Variants in TMEM45B observed in about 807,000 individuals in gnomAD.
TMEM45B encodes the protein transmembrane protein 45B.
Under a neutral mutation model 27.3 loss-of-function variants are expected in TMEM45B, and 29 were observed. The observed-to-expected ratio is 1.06, with a 90% CI of 0.79 to 1.45. The LOEUF (loss-of-function observed/expected upper bound fraction) is 1.45, where lower values mean the gene tolerates loss of function less well. Ranked by LOEUF, TMEM45B falls within the 40% of genes most tolerant of loss-of-function variation. The pLI is 0.00. For synonymous variants in TMEM45B, 143 were observed against 134.7 expected, an observed-to-expected ratio of 1.06 and a Z score of -0.43; for missense variants, 348 against 343.9, an observed-to-expected ratio of 1.01 and a Z score of -0.09.
intron 2 of TMEM45B, 87 bp from the exon 3 acceptor site, chr11:129,854,522 CT>C: frequency 7.2e-7 from 1 of 1,391,872 alleles, no homozygotes; most frequent in Middle Eastern, 2.4e-4. Context: ...CCCATCTCCG[CT>C]TCGCTCATGC....
intron 1 of TMEM45B, among the ~76,000 whole-genome samples, chr11:129,833,266 A>T (rs1488280297): frequency 6.6e-6 from 1 of 151,884 alleles, no homozygotes; most frequent in East Asian, 1.9e-4. Context: ...AATAAAAAAA[A>T]AAAAAGGAAA....
At chr11:129,828,482 T>C (rs1282228015) in intron 1 of TMEM45B, among the ~76,000 whole-genome samples, 1 of 152,168 alleles carries the variant, frequency 6.6e-6, no homozygotes, top group East Asian at 1.9e-4. Context: ...GTGACTTAGT[T>C]GAAGTTCAGG....
At position 129,858,686 on chromosome 11, in the gene TMEM45B, G is replaced by A. The variant is rs1447769442; in HGVS notation, c.*1G>A. ...CTTGAGTGGCTCAGATGAGGAATGA[G>A]CCGAGATGCGGAGGGCGCAGATGTC... On this transcript the variant is annotated 3_prime_UTR_variant, in exon 6 of 6. Transcript: ENST00000281441. 5.8e-6 allele frequency: 9 copies of A among 1,554,294 alleles called. No homozygotes were observed. The highest frequency in any genetic ancestry group is 7.8e-6 in the Non-Finnish European group (9 of 1,147,274).
At chr11:129,848,521 G>A (rs10894156) in intron 1 of TMEM45B, among the ~76,000 whole-genome samples, 48,088 of 151,648 alleles carry the variant, frequency 0.32, 8,616 homozygotes, top group East Asian at 0.52. Context: ...GGGAGAGGGA[G>A]AGGGAGAGGG....
Position 129,857,393 on chromosome 11 carries a change from G to A in TMEM45B, c.651G>A (p.Met217Ile), listed in dbSNP as rs958619821. The change falls in exon 5 of 6, where the codon ATG becomes ATA. Residue 217 changes from methionine to isoleucine, a missense_variant. Physicochemically the swap from Met to Ile is conservative, Grantham distance 10. Transcript: ENST00000281441. ...KDDANLMFIT[M>I]CFCWHYLAAL... is the part of the protein sequence containing the mutation. ...ATGCCAACCTCATGTTCATCACCATGTGCTTCTGCTGGCACTACCTGGCTG... is the reference window on the plus strand; with the variant it reads ...ATGCCAACCTCATGTTCATCACCATATGCTTCTGCTGGCACTACCTGGCTG... 6.2e-7 allele frequency: 1 copy of A among 1,614,074 alleles called. No homozygotes were observed. The highest frequency in any genetic ancestry group is 1.3e-5 in the African/African-American group (1 of 74,918).
chr11:129,828,481 T>C lies in TMEM45B; in HGVS notation c.-9+12583T>C, dbSNP rs575346764. On this transcript the variant is annotated intron_variant, in intron 1 of 5. Transcript: ENST00000281441. ...ACTGTAGAGCAGGGACGTGACTTAGTTGAAGTTCAGGACTGCGGCCACAGT... is the reference window on the plus strand; with the variant it reads ...ACTGTAGAGCAGGGACGTGACTTAGCTGAAGTTCAGGACTGCGGCCACAGT... Among the ~76,000 whole-genome samples, 17 of 152,272 alleles carry C rather than the reference T, an allele frequency of 1.1e-4. No homozygotes were observed. In the South Asian group the frequency reaches 3.3e-3, roughly 30 times the overall value.
chr11:129,851,543 C>CAAAAAAAAAAAAAAAAAAAAAAAAAAAAA (rs71057982), intron 1 of TMEM45B, among the ~76,000 whole-genome samples: 11 of 54,934 alleles, frequency 2.0e-4, no homozygotes, highest in Admixed American at 4.0e-4. Context: ...AACTCTGCCT[C>CAAAAAAAAAAAAAAAAAAAAAAAAAAAAA]AAAAAAAAAA....
chr11:129,830,263 G>T (rs1003956118), intron 1 of TMEM45B, among the ~76,000 whole-genome samples: 1 of 152,186 alleles, frequency 6.6e-6, no homozygotes, highest in Non-Finnish European at 1.5e-5. Context: ...GGAGGTGAAG[G>T]TTGCAGTGAG....
chr11:129,857,446 C>T lies in TMEM45B; in HGVS notation c.704C>T (p.Ser235Phe). The change falls in exon 5 of 6, where the codon TCT becomes TTT. Residue 235 changes from serine to phenylalanine, a missense_variant. Transcript: ENST00000281441. ...AALSIVAVNY[S>F]LVYCLLTRMK... ...CTCAGCATTGTGGCCGTCAACTATT[C>T]TCTTGTTTACTGGTATGTCTGAGAC... is the stretch of plus-strand genomic sequence containing the variant. 7.4e-6 allele frequency: 12 copies of T among 1,614,152 alleles called. No homozygotes were observed. Among genetic ancestry groups the T allele is most frequent in the Non-Finnish European group, 1.0e-5 (12 of 1,180,024 alleles).
intron 4 of TMEM45B, among the ~76,000 whole-genome samples, chr11:129,856,987 G>T (rs1335967124): frequency 6.6e-6 from 1 of 151,850 alleles, no homozygotes; most frequent in African/African-American, 2.4e-5. Context: ...CAGTTAGCTA[G>T]GATTATAGGT....
chr11:129,822,144 A>G (rs1391481971), intron 1 of TMEM45B, among the ~76,000 whole-genome samples: 3 of 152,260 alleles, frequency 2.0e-5, no homozygotes, highest in Admixed American at 6.5e-5. Flanking sequence ...CTACCATTAT[A>G]TTTTTAATTC....
rs201031733 is a variant in TMEM45B, at chr11:129,824,179, GGCT to G, written c.-9+8282_-9+8284del. 8.7e-3 allele frequency among the ~76,000 whole-genome samples: 1,320 copies of G among 152,216 alleles called. 7 individuals are homozygous for G. The highest frequency in any genetic ancestry group is 0.02 in the Middle Eastern group (6 of 294). On this transcript the variant is annotated intron_variant, in intron 1 of 5. Coordinates refer to ENST00000281441, the MANE Select transcript of TMEM45B (RefSeq NM_138788.5). ...TGGGGCTGTTTATTTCTCTATGGGA[GGCT>G]CTAGAACAGTAACTAAACTACAGTG...
At chr11:129,822,199 T>C (rs1236873533) in intron 1 of TMEM45B, among the ~76,000 whole-genome samples, 1 of 152,258 alleles carries the variant, frequency 6.6e-6, no homozygotes. Context: ...TGAATGGTTT[T>C]TACAGTATCC....
intron 5 of TMEM45B, 22 bp downstream of exon 5, chr11:129,857,480 A>G (rs1254364180): frequency 1.2e-6 from 2 of 1,613,470 alleles, no homozygotes; most frequent in Non-Finnish European, 8.5e-7. Flanking sequence ...ACTTCAGTGA[A>G]GCTTTTCCTC....
intron 1 of TMEM45B, among the ~76,000 whole-genome samples, chr11:129,845,534 A>C (rs1018509060): frequency 6.6e-6 from 1 of 152,182 alleles, no homozygotes; most frequent in Admixed American, 6.5e-5. Context: ...TATAGCTTAA[A>C]ATATGAAAAA....
Position 129,858,705 on chromosome 11 carries a change from A to G in TMEM45B, c.*20A>G. ...GAATGAGCCGAGATGCGGAGGGCGCAGATGTCCCACTGCACAGCTGGAATG... is the reference window on the plus strand; with the variant it reads ...GAATGAGCCGAGATGCGGAGGGCGCGGATGTCCCACTGCACAGCTGGAATG... On this transcript the variant is annotated 3_prime_UTR_variant, in exon 6 of 6. Transcript: ENST00000281441. 2 of 1,516,864 alleles carry G rather than the reference A, an allele frequency of 1.3e-6. No individual in the cohort carries two copies. Among genetic ancestry groups the G allele is most frequent in the East Asian group, 2.4e-5 (1 of 40,984 alleles). 94.0% of individuals were successfully genotyped at this position (1,516,864 alleles called of 1,614,324 possible).
At chr11:129,856,582 CAG>C (rs1304850601) in intron 4 of TMEM45B, among the ~76,000 whole-genome samples, 2 of 93,002 alleles carry the variant, frequency 2.2e-5, no homozygotes, top group African/African-American at 9.5e-5. Context: ...TTTTCTGAGA[CAG>C]AGTCTCGCTT....
At position 129,820,683 on chromosome 11, in the gene TMEM45B, C is replaced by T. The variant is rs117939106; in HGVS notation, c.-9+4785C>T. Among the ~76,000 whole-genome samples, 273 of 152,250 alleles carry T rather than the reference C, an allele frequency of 1.8e-3. 2 individuals are homozygous for T. In the East Asian group the frequency reaches 0.024, roughly 13 times the overall value. ...CGAATGTCAGGTAGTTTAGCAAAAGCGACTTTATTTTATTTCTGTTAGCTT... is the reference window on the plus strand; with the variant it reads ...CGAATGTCAGGTAGTTTAGCAAAAGTGACTTTATTTTATTTCTGTTAGCTT... On this transcript the variant is annotated intron_variant, in intron 1 of 5. Transcript: ENST00000281441.
chr11:129,843,924 T>C (rs1362647838), intron 1 of TMEM45B, among the ~76,000 whole-genome samples: 1 of 152,166 alleles, frequency 6.6e-6, no homozygotes. Flanking sequence ...TACCCTATGA[T>C]CCAGCAATTT....
Sources: allele counts gnomAD v4.1 joint callset (sites outside exome capture counted in the v4.1 genomes callset), GRCh38; gene constraint gnomAD v4.1.1; transcripts MANE v1.5; gene names NCBI Gene and HGNC (gene_info 2026-07-23, HGNC 2026-07-21).